The following SLC26A5 variants were observed in gnomAD, a reference collection of about 807,000 sequenced individuals.
The protein encoded by SLC26A5 is solute carrier family 26 member 5, also known as prestin.
Under a neutral mutation model 81.0 loss-of-function variants are expected in SLC26A5, and 51 were observed. The ratio of observed to expected loss-of-function variants is 0.63; its 90% confidence interval spans 0.50 to 0.80. SLC26A5 has a LOEUF of 0.80. Ranked by LOEUF, SLC26A5 falls within the 30% of genes least tolerant of loss-of-function variation. The pLI is 0.00. For missense variants in SLC26A5, 771 were observed against 905.8 expected, an observed-to-expected ratio of 0.85 and a Z score of 1.91; for synonymous variants, 325 against 332.8, an observed-to-expected ratio of 0.98 and a Z score of 0.25.
At chr7:103,416,658 A>G (rs1291443667) in intron 4 of SLC26A5, among the ~76,000 whole-genome samples, 1 of 152,042 alleles carries the variant, frequency 6.6e-6, no homozygotes, top group African/African-American at 2.4e-5. Flanking sequence ...GTACGTACCT[A>G]CATTTCAGCT....
chr7:103,394,124 T>C (rs1209831405), intron 9 of SLC26A5, among the ~76,000 whole-genome samples: 1 of 152,080 alleles, frequency 6.6e-6, no homozygotes, highest in Non-Finnish European at 1.5e-5. Flanking sequence ...CAGCTATTTC[T>C]CTTACTATGT....
chr7:103,397,323 C>T lies in SLC26A5; in HGVS notation c.971+609G>A, dbSNP rs187978230. Among the ~76,000 whole-genome samples, 1,152 of 151,684 alleles carry T rather than the reference C, an allele frequency of 7.6e-3. 4 individuals are homozygous for T. The highest frequency in any genetic ancestry group is 0.012 in the Non-Finnish European group (802 of 67,900). On this transcript the variant is annotated intron_variant, in intron 9 of 19. Transcript: ENST00000306312. The stretch of plus-strand genomic sequence containing the variant: ...TTGGAAGGCCAAGGCGGGTGGATCA[C>T]GAGGTCAGGAAATTGAGACCATCCT...
chr7:103,407,811 T>C (rs1249797425), intron 8 of SLC26A5, 40 bp downstream of exon 8: 15 of 1,610,074 alleles, frequency 9.3e-6, no homozygotes, highest in Non-Finnish European at 1.3e-5. Flanking sequence ...GTAAATGCAG[T>C]TGTAGAAGCC....
intron 19 of SLC26A5, among the ~76,000 whole-genome samples, chr7:103,375,207 C>G (rs184371610): frequency 6.7e-6 from 1 of 150,202 alleles, no homozygotes; most frequent in Non-Finnish European, 1.5e-5. Flanking sequence ...ACCCTTTTTG[C>G]TTAATTTTTT....
At chr7:103,370,453 C>T (rs563230080), downstream of SLC26A5, among the ~76,000 whole-genome samples, 2 of 151,830 alleles carry the variant, frequency 1.3e-5, no homozygotes, top group East Asian at 3.9e-4. Context: ...GTTTGCTACC[C>T]TCTCTTTTCT....
intron 8 of SLC26A5, among the ~76,000 whole-genome samples, chr7:103,402,157 C>G (rs1563547423): frequency 6.6e-6 from 1 of 152,110 alleles, no homozygotes; most frequent in Non-Finnish European, 1.5e-5. Flanking sequence ...CTTTGTACCT[C>G]TGGTAGAATT....
At chr7:103,438,298 C>T (rs1338862525) in intron 2 of SLC26A5, among the ~76,000 whole-genome samples, 10 of 152,072 alleles carry the variant, frequency 6.6e-5, no homozygotes, top group Non-Finnish European at 1.5e-5. Context: ...CAAAACATCA[C>T]ATTGTACCCA....
Position 103,398,026 on chromosome 7 carries a change from C to G in SLC26A5, c.889-12G>C. The G allele has an allele frequency of 1.9e-6, 3 of 1,606,214 alleles. No individual in the cohort carries two copies. Among genetic ancestry groups the G allele is most frequent in the Non-Finnish European group, 2.6e-6 (3 of 1,172,986 alleles). On this transcript the variant is annotated splice_polypyrimidine_tract_variant and intron_variant, in intron 8 of 19. Coordinates refer to ENST00000306312, the MANE Select transcript of SLC26A5 (RefSeq NM_198999.3). The stretch of plus-strand genomic sequence containing the variant: ...GTTCCCATTACGACCTAAAAAGACA[C>G]AAATCCAAATGCACCTTTAGAGATG...
chr7:103,412,918 T>C, intron 5 of SLC26A5, 84 bp downstream of exon 5: 1 of 1,021,494 alleles, frequency 9.8e-7, no homozygotes, highest in Non-Finnish European at 1.5e-6. Context: ...CAATTTTTAA[T>C]AATGACCATG....
chr7:103,405,325 T>A (rs548641399), intron 8 of SLC26A5, among the ~76,000 whole-genome samples: 16 of 152,342 alleles, frequency 1.1e-4, no homozygotes, highest in African/African-American at 3.8e-4. Context: ...TGGATTTATC[T>A]ACCTTTGGTC....
intron 19 of SLC26A5, chr7:103,362,411 GTC>G (rs1820463715): frequency 7.5e-7 from 1 of 1,341,688 alleles, no homozygotes; most frequent in Non-Finnish European, 9.5e-7. Flanking sequence ...GTGTGTTAAT[GTC>G]TATAGAATAC....
chr7:103,391,798 T>A, intron 10 of SLC26A5, 63 bp from the exon 11 acceptor site: 1 of 1,247,270 alleles, frequency 8.0e-7, no homozygotes, highest in Non-Finnish European at 1.2e-6. Context: ...AAAAGCATAA[T>A]AGCCCATTTA....
intron 7 of SLC26A5, among the ~76,000 whole-genome samples, chr7:103,409,438 T>G (rs1824303257): frequency 6.6e-6 from 1 of 152,240 alleles, no homozygotes; most frequent in Admixed American, 6.5e-5. Context: ...GAAATGTTTT[T>G]TGGTTTCTAA....
intron 19 of SLC26A5, chr7:103,364,143 C>T: frequency 1.2e-6 from 2 of 1,613,248 alleles, no homozygotes; most frequent in Non-Finnish European, 1.7e-6. Flanking sequence ...TCTATCACAG[C>T]CAGAGAGGTT....
At chr7:103,441,160 T>C (rs1425931242) in intron 2 of SLC26A5, among the ~76,000 whole-genome samples, 1 of 152,232 alleles carries the variant, frequency 6.6e-6, no homozygotes, top group Non-Finnish European at 1.5e-5. Flanking sequence ...GTAACCGACG[T>C]GCCTCTTACC....
At chr7:103,425,036 C>A (rs1182041884) in intron 2 of SLC26A5, among the ~76,000 whole-genome samples, 1 of 152,188 alleles carries the variant, frequency 6.6e-6, no homozygotes, top group East Asian at 1.9e-4. Flanking sequence ...ACTTAAAACA[C>A]TAGGTATCTT....
At chr7:103,392,377 A>G (rs372890523) in intron 10 of SLC26A5, among the ~76,000 whole-genome samples, 1 of 152,202 alleles carries the variant, frequency 6.6e-6, no homozygotes, top group Admixed American at 6.5e-5. Flanking sequence ...CAGATACCCA[A>G]TATTTAATGA....
At chr7:103,362,117 T>C (rs1257082449) in intron 19 of SLC26A5, 2 of 1,610,596 alleles carry the variant, frequency 1.2e-6, no homozygotes, top group Non-Finnish European at 1.7e-6. Context: ...ATAAATACTT[T>C]TCTTTCACTA....
intron 11 of SLC26A5, among the ~76,000 whole-genome samples, chr7:103,391,113 T>C (rs1382684255): frequency 1.3e-5 from 2 of 152,210 alleles, no homozygotes; most frequent in African/African-American, 2.4e-5. Context: ...TCTGCCCGCC[T>C]TGGCCTCCCA....
Sources: allele counts gnomAD v4.1 joint callset (sites outside exome capture counted in the v4.1 genomes callset), GRCh38; gene constraint gnomAD v4.1.1; transcripts MANE v1.5; gene names NCBI Gene and HGNC (gene_info 2026-07-23, HGNC 2026-07-21).